The following ODAD2 variants were observed in gnomAD, a reference collection of about 807,000 sequenced individuals.
ODAD2 encodes outer dynein arm-docking complex subunit 2.
Under a neutral mutation model 106.8 loss-of-function variants are expected in ODAD2, and 89 were observed. That is an observed-to-expected ratio of 0.83 (90% CI 0.70 to 0.99). The LOEUF (loss-of-function observed/expected upper bound fraction) is 0.99. ODAD2 is among the 50% of genes least tolerant of loss of function. The pLI, the probability that ODAD2 is intolerant of heterozygous loss-of-function variation, is 0.00. For synonymous variants in ODAD2, 404 were observed against 436.2 expected, an observed-to-expected ratio of 0.93 and a Z score of 0.92; for missense variants, 1,168 against 1,238.5, an observed-to-expected ratio of 0.94 and a Z score of 0.85.
At chr10:27,900,350 A>C (rs1843115709) in intron 17 of ODAD2, among the ~76,000 whole-genome samples, 1 of 152,192 alleles carries the variant, frequency 6.6e-6, no homozygotes. Flanking sequence ...TAAATCCACA[A>C]AGATGGGGAA....
At chr10:27,845,751 A>G (rs1838692915) in intron 19 of ODAD2, among the ~76,000 whole-genome samples, 1 of 152,206 alleles carries the variant, frequency 6.6e-6, no homozygotes, top group East Asian at 1.9e-4. Flanking sequence ...TGGAAAACAA[A>G]AAAAGGCAGG....
chr10:27,993,974 A>ATATATATATG (rs369833558), intron 2 of ODAD2, among the ~76,000 whole-genome samples: 62 of 140,614 alleles, frequency 4.4e-4, no homozygotes, highest in African/African-American at 1.2e-3. Context: ...ATATATATAT[A>ATATATATATG]TGTGTGTGTG....
rs184929732 is a variant in ODAD2 at position 27,971,837 on chromosome 10, T to C, written c.937-524A>G. 2.5e-3 allele frequency among the ~76,000 whole-genome samples: 384 copies of C among 152,130 alleles called. 1 individual carries two copies. The highest frequency in any genetic ancestry group is 8.8e-3 in the African/African-American group (364 of 41,490). ...TTTACTAAGAATAAAACAAAAATCT[T>C]TCAAAAATGAAAGCAAAATAAAAAC... is the stretch of plus-strand genomic sequence containing the variant. On this transcript the variant is annotated intron_variant, in intron 7 of 19. Transcript: ENST00000305242.
intron 16 of ODAD2, among the ~76,000 whole-genome samples, chr10:27,934,617 G>A (rs978542213): frequency 2.0e-4 from 31 of 151,952 alleles, no homozygotes; most frequent in African/African-American, 7.0e-4. Flanking sequence ...TTCTTGCCAG[G>A]TGCTCAAAAT....
At chr10:27,952,846 A>G (rs1489329636) in intron 10 of ODAD2, among the ~76,000 whole-genome samples, 1 of 152,090 alleles carries the variant, frequency 6.6e-6, no homozygotes, top group Non-Finnish European at 1.5e-5. Flanking sequence ...TGCTTTCTGT[A>G]AGGAGCTATG....
chr10:27,963,293 C>T (rs1357026873), intron 9 of ODAD2, among the ~76,000 whole-genome samples: 1 of 152,180 alleles, frequency 6.6e-6, no homozygotes, highest in Non-Finnish European at 1.5e-5. Flanking sequence ...AAGCATGAGC[C>T]ACTGCACCCG....
At chr10:27,931,766 C>T (rs1266640082) in intron 16 of ODAD2, among the ~76,000 whole-genome samples, 1 of 147,926 alleles carries the variant, frequency 6.8e-6, no homozygotes, top group African/African-American at 2.5e-5. Context: ...ACTAGATAAC[C>T]TGGCAATGAC....
intron 17 of ODAD2, among the ~76,000 whole-genome samples, chr10:27,871,740 G>T (rs1192128173): frequency 6.6e-6 from 1 of 152,162 alleles, no homozygotes; most frequent in Non-Finnish European, 1.5e-5. Context: ...CCAGTACCAT[G>T]CAGTTTTGGT....
chr10:27,972,663 A>G (rs1451516113), intron 7 of ODAD2, among the ~76,000 whole-genome samples: 1 of 152,228 alleles, frequency 6.6e-6, no homozygotes, highest in Non-Finnish European at 1.5e-5. Flanking sequence ...AAAGCAAATA[A>G]TATTAACAGG....
chr10:27,992,533 T>C (rs780251974), intron 2 of ODAD2, among the ~76,000 whole-genome samples: 5 of 151,802 alleles, frequency 3.3e-5, no homozygotes, highest in East Asian at 1.9e-4. Flanking sequence ...TACAAAAAAA[T>C]AGAAAAATTG....
intron 17 of ODAD2, among the ~76,000 whole-genome samples, chr10:27,891,663 CT>C (rs147712943): frequency 0.046 from 7,009 of 151,758 alleles, 538 homozygotes; most frequent in African/African-American, 0.16. Context: ...AGTTGAACAT[CT>C]TTTTTTTCTT....
At position 27,845,142 on chromosome 10, in the gene ODAD2, A is replaced by C. The variant is rs1208334729; in HGVS notation, c.3021+15483T>G. On this transcript the variant is annotated intron_variant, in intron 19 of 19. Coordinates refer to ENST00000305242, the MANE Select transcript of ODAD2 (RefSeq NM_018076.5). ...TTCACCAAAGTTGAAATGAAGGAAA[A>C]AGGAAAAAATGTTAAGTGCAGCCAG... Among the ~76,000 whole-genome samples the C allele has an allele frequency of 1.9e-4, 5 of 25,836 alleles. No individual in the cohort carries two copies. The East Asian group carries it at 2.9e-3, about 15-fold the overall frequency. 16.9% of individuals were successfully genotyped at this position (25,836 alleles called of 152,430 possible).
intron 4 of ODAD2, among the ~76,000 whole-genome samples, chr10:27,984,564 G>A (rs1849758196): frequency 6.6e-6 from 1 of 151,970 alleles, no homozygotes; most frequent in Non-Finnish European, 1.5e-5. Context: ...AACATGCTTT[G>A]GACTATACAA....
chr10:27,974,127 T>C (rs1045341467), intron 7 of ODAD2, among the ~76,000 whole-genome samples: 1 of 152,214 alleles, frequency 6.6e-6, no homozygotes, highest in Non-Finnish European at 1.5e-5. Context: ...TTTAGTGGGG[T>C]TGTTTGTTTT....
chr10:27,970,553 T>C (rs1588634964), intron 8 of ODAD2, among the ~76,000 whole-genome samples: 1 of 152,210 alleles, frequency 6.6e-6, no homozygotes, highest in Non-Finnish European at 1.5e-5. Context: ...CCCTTCACAG[T>C]GCTCCACACA....
rs1371230378 is a variant in ODAD2, at chr10:27,984,928, G to A, written c.575+91C>T. 8.5e-6 allele frequency: 5 copies of A among 591,158 alleles called. No individual in the cohort carries two copies. In the East Asian group the frequency reaches 1.7e-4, roughly 20 times the overall value. 36.6% of individuals were successfully genotyped at this position (591,158 alleles called of 1,614,324 possible). A position where few individuals can be genotyped will look rare whatever the true frequency, so the allele number is the denominator to read the frequency against. On this transcript the variant is annotated intron_variant, in intron 4 of 19. Coordinates refer to ENST00000305242, the MANE Select transcript of ODAD2 (RefSeq NM_018076.5). ...TATTATTTATTTAACTATCTATTTT[G>A]AGACAGAGTCTTGCTCTGTCACCCA... is the stretch of plus-strand genomic sequence containing the variant.
chr10:27,814,685 C>G (rs1234536682), intron 19 of ODAD2, among the ~76,000 whole-genome samples: 1 of 152,236 alleles, frequency 6.6e-6, no homozygotes, highest in Non-Finnish European at 1.5e-5. Flanking sequence ...CTTTAACCAT[C>G]TTCCGTCTTT....
intron 10 of ODAD2, among the ~76,000 whole-genome samples, chr10:27,948,345 A>G (rs1424698007): frequency 6.6e-6 from 1 of 152,214 alleles, no homozygotes; most frequent in African/African-American, 2.4e-5. Flanking sequence ...CAAAGGGATT[A>G]TAAATCTTTC....
intron 19 of ODAD2, among the ~76,000 whole-genome samples, chr10:27,835,384 G>T (rs531062846): frequency 1.3e-5 from 2 of 152,310 alleles, no homozygotes; most frequent in Admixed American, 1.3e-4. Flanking sequence ...CACACCTGTA[G>T]CCTGAACTTG....
Sources: gnomAD v4.1 joint callset for allele counts (sites outside exome capture counted in the v4.1 genomes callset) on GRCh38, gnomAD v4.1.1 for gene constraint, MANE v1.5 for transcripts, NCBI Gene and HGNC (gene_info 2026-07-23, HGNC 2026-07-21) for gene names.